The following SLC6A3 variants were observed in gnomAD, a reference collection of about 807,000 sequenced individuals.
The protein encoded by SLC6A3 is solute carrier family 6 member 3, also known as sodium-dependent dopamine transporter.
SLC6A3 carries 19 observed loss-of-function variants against 70.4 expected under a neutral mutation model. That is an observed-to-expected ratio of 0.27 (90% CI 0.19 to 0.40). The LOEUF is 0.40. Among genes scored for constraint, SLC6A3 ranks in the 10% least tolerant of loss-of-function variants. SLC6A3 has a pLI of 1.00. For missense variants in SLC6A3, 613 were observed against 838.5 expected, an observed-to-expected ratio of 0.73 and a Z score of 3.32; for synonymous variants, 368 against 356.6, an observed-to-expected ratio of 1.03 and a Z score of -0.36.
In SLC6A3 at chr5:1,442,287, C is replaced by A. The variant is rs1238414560; in HGVS notation, c.286+625G>T. 6.6e-6 allele frequency among the ~76,000 whole-genome samples: 1 copy of A among 152,154 alleles called. No individual in the cohort carries two copies. The highest frequency in any genetic ancestry group is 2.4e-5 in the African/African-American group (1 of 41,448). On this transcript the variant is annotated intron_variant, in intron 2 of 14. Transcript: ENST00000270349. This position sits in a 1 kb window ranked among gnomAD's most constrained non-coding sequence, Gnocchi z 5.0. ...TCCTCGCAGGCATCCTGTGAGGCTT[C>A]CCCCCAGATTCTTCCCCAGGCCTCC...
At chr5:1,400,878 TC>T (rs1560905206) in intron 14 of SLC6A3, 36 bp downstream of exon 14, 2 of 1,481,826 alleles carry the variant, frequency 1.3e-6, no homozygotes, top group East Asian at 2.4e-5. Context: ...CATTCTGAAT[TC>T]CCCCGAGAGA....
intron 12 of SLC6A3, among the ~76,000 whole-genome samples, chr5:1,403,303 C>T (rs1469520373): frequency 6.7e-6 from 1 of 150,024 alleles, no homozygotes; most frequent in Non-Finnish European, 1.5e-5. Context: ...CTATCCTGTT[C>T]TCTCCCCTCC....
rs184413287 is a variant in SLC6A3, at chr5:1,413,721, C to T, written c.1156+970G>A. ...TCCACATCCATGTGGCAGAGCAGGC[C>T]GGGAGGCAGGCGGGGGCTCTGCTGG... On this transcript the variant is annotated intron_variant, in intron 8 of 14. Transcript: ENST00000270349. The surrounding 1 kb of genome is among the most constrained non-coding windows in gnomAD (Gnocchi z 7.1). Among the ~76,000 whole-genome samples the T allele has an allele frequency of 1.1e-4, 16 of 152,276 alleles. No individual in the cohort carries two copies. The highest frequency in any genetic ancestry group is 9.6e-4 in the East Asian group (5 of 5,186).
intron 10 of SLC6A3, 116 bp downstream of exon 10, chr5:1,409,605 G>A (rs562976050): frequency 2.4e-6 from 3 of 1,264,348 alleles, no homozygotes; most frequent in South Asian, 1.2e-5. Flanking sequence ...GGGTGGGTTC[G>A]CAGCTCCCTG....
At chr5:1,443,850 G>GT (rs369517884) in intron 1 of SLC6A3, among the ~76,000 whole-genome samples, 249 of 149,314 alleles carry the variant, frequency 1.7e-3, no homozygotes, top group African/African-American at 5.3e-3. Context: ...TTTTGTGTGT[G>GT]TTTTTTTGTT....
intron 6 of SLC6A3, among the ~76,000 whole-genome samples, chr5:1,418,938 A>T (rs1206400525): frequency 9.3e-6 from 1 of 107,084 alleles, no homozygotes; most frequent in African/African-American, 3.8e-5. Flanking sequence ...TCCATTCATC[A>T]TCCATCCATC....
At position 1,421,333 on chromosome 5, in the gene SLC6A3, G is replaced by A. The variant is rs1051817522; in HGVS notation, c.792+543C>T. 1.3e-5 allele frequency among the ~76,000 whole-genome samples: 2 copies of A among 151,996 alleles called. No homozygotes were observed. Among genetic ancestry groups the A allele is most frequent in the Non-Finnish European group, 2.9e-5 (2 of 67,980 alleles). ...GCTGGGATTATAGGCACGTGCCACC[G>A]TGCCTGGCTAATTTCGTATTTTTAG... On this transcript the variant is annotated intron_variant, in intron 5 of 14. Coordinates refer to ENST00000270349, the MANE Select transcript of SLC6A3 (RefSeq NM_001044.5). The surrounding 1 kb of genome is among the most constrained non-coding windows in gnomAD (Gnocchi z 7.2).
chr5:1,399,895 C>T (rs535590369), intron 14 of SLC6A3, among the ~76,000 whole-genome samples: 55 of 152,248 alleles, frequency 3.6e-4, no homozygotes, highest in African/African-American at 1.2e-3. Flanking sequence ...CTCCCAGGCA[C>T]GCAGAGCCCC....
In SLC6A3 at chr5:1,443,064, G is replaced by C; in HGVS notation, c.134C>G (p.Ser45Cys). The stretch of plus-strand genomic sequence containing the variant: ...GCTCTGCCGCGGGTTGGTGAGGGTG[G>C]AGCTGGTGAGCTGCACTCCGTTCTG... ...KEQNGVQLTS[S>C]TLTNPRQSPV... Residue 45 changes from serine (S) to cysteine (C), a missense_variant, in exon 2 of 15, where the codon TCC (serine) becomes TGC (cysteine). By Grantham distance (112) the Ser-to-Cys change is moderately radical (BLOSUM62 -1). Coordinates refer to ENST00000270349, the MANE Select transcript of SLC6A3 (RefSeq NM_001044.5). 6.2e-7 allele frequency: 1 copy of C among 1,614,226 alleles called. No individual in the cohort carries two copies. The highest frequency in any genetic ancestry group is 8.5e-7 in the Non-Finnish European group (1 of 1,180,032).
intron 3 of SLC6A3, among the ~76,000 whole-genome samples, chr5:1,433,938 T>A (rs148882165): frequency 5.7e-4 from 87 of 151,862 alleles, no homozygotes; most frequent in African/African-American, 2.1e-3. Flanking sequence ...TCCACAGCCA[T>A]CTACAGACAT....
chr5:1,406,105 T>TGCGG lies in SLC6A3; in HGVS notation c.1599+79_1599+82dup, dbSNP rs1755972511. On this transcript the variant is annotated intron_variant, in intron 12 of 14. Coordinates refer to ENST00000270349, the MANE Select transcript of SLC6A3 (RefSeq NM_001044.5). This position sits in a 1 kb window ranked among gnomAD's most constrained non-coding sequence, Gnocchi z 8.8. ...ACTCCAGCCACAGTGACAACCCACA[T>TGCGG]GCGGGCGCTGGACCTCGGGGCAGGT... is the stretch of plus-strand genomic sequence containing the variant. 13 of 971,154 alleles carry TGCGG rather than the reference T, an allele frequency of 1.3e-5. No individual in the cohort carries two copies. Among genetic ancestry groups the TGCGG allele is most frequent in the South Asian group, 1.3e-4 (10 of 78,010 alleles). The allele number at this position is 971,154 out of a possible 1,614,324, so 60.2% of individuals were successfully genotyped here. A position where few individuals can be genotyped will look rare whatever the true frequency, so the allele number is the denominator to read the frequency against.
chr5:1,417,089 G>A (rs973253482), intron 6 of SLC6A3, among the ~76,000 whole-genome samples: 1 of 151,076 alleles, frequency 6.6e-6, no homozygotes, highest in Admixed American at 6.6e-5. Context: ...CCCCCTGAGT[G>A]TGTCCCCCCA....
At position 1,404,376 on chromosome 5, in the gene SLC6A3, C is replaced by T. The variant is rs1454890649; in HGVS notation, c.1600-1287G>A. Among the ~76,000 whole-genome samples, 1 of 152,236 alleles carries T rather than the reference C, an allele frequency of 6.6e-6. No individual in the cohort carries two copies. The highest frequency in any genetic ancestry group is 6.5e-5 in the Admixed American group (1 of 15,292). Reference sequence around the variant, plus strand: ...AGCATGCTTTAAAGAGCCACGCGTGCATCCCTGGACATGTCGGGCTTGCCT... The same window carrying T: ...AGCATGCTTTAAAGAGCCACGCGTGTATCCCTGGACATGTCGGGCTTGCCT... On this transcript the variant is annotated intron_variant, in intron 12 of 14. Transcript: ENST00000270349. The surrounding 1 kb of genome is among the most constrained non-coding windows in gnomAD (Gnocchi z 5.2).
chr5:1,400,883 CG>C (rs1352087484), intron 14 of SLC6A3, 31 bp downstream of exon 14: 2 of 1,518,200 alleles, frequency 1.3e-6, no homozygotes, highest in African/African-American at 2.7e-5. Context: ...TGAATTCCCC[CG>C]AGAGAGGCCC....
chr5:1,404,880 T>A lies in SLC6A3; in HGVS notation c.1599+1308A>T, dbSNP rs1755933778. Among the ~76,000 whole-genome samples the A allele has an allele frequency of 6.6e-6, 1 of 152,236 alleles. No individual in the cohort carries two copies. The highest frequency in any genetic ancestry group is 2.4e-5 in the African/African-American group (1 of 41,464). ...GTTCGAAGATTTAGTCTAAGATCAG[T>A]AGAACATTTTATCTCCTAAGATCGA... On this transcript the variant is annotated intron_variant, in intron 12 of 14. Coordinates refer to ENST00000270349, the MANE Select transcript of SLC6A3 (RefSeq NM_001044.5). The surrounding 1 kb of genome is among the most constrained non-coding windows in gnomAD (Gnocchi z 5.2).
chr5:1,416,094 T>C lies in SLC6A3; in HGVS notation c.1031+4A>G, dbSNP rs1299419882. On this transcript the variant is annotated splice_donor_region_variant and intron_variant, in intron 7 of 14. Transcript: ENST00000270349. The stretch of plus-strand genomic sequence containing the variant: ...GCCCCTGCCTGGCCCTGCTAGGGGC[T>C]CACCTGTAGCAGTTGTTGGTGAACT... The C allele has an allele frequency of 6.2e-7, 1 of 1,610,432 alleles. No individual in the cohort carries two copies.
chr5:1,437,282 G>C lies in SLC6A3; in HGVS notation c.418+4077C>G, dbSNP rs111559716. Among the ~76,000 whole-genome samples the C allele has an allele frequency of 5.0e-3, 753 of 151,428 alleles. 3 individuals carry two copies. The highest frequency in any genetic ancestry group is 5.5e-3 in the Non-Finnish European group (371 of 67,820). Reference sequence around the variant, plus strand: ...AAAAAAAAAAGAAAAGAAAAGAAAAGAAAGAGGGGAGAGGACGCCTCTCTG... The same window carrying C: ...AAAAAAAAAAGAAAAGAAAAGAAAACAAAGAGGGGAGAGGACGCCTCTCTG... On this transcript the variant is annotated intron_variant, in intron 3 of 14. Transcript: ENST00000270349. This position sits in a 1 kb window ranked among gnomAD's most constrained non-coding sequence, Gnocchi z 4.8.
chr5:1,418,269 G>C (rs903874994), intron 6 of SLC6A3, among the ~76,000 whole-genome samples: 1 of 152,072 alleles, frequency 6.6e-6, no homozygotes, highest in African/African-American at 2.4e-5. Context: ...ACCAGAGCCA[G>C]TGCCCATGGC....
chr5:1,438,118 A>T lies in SLC6A3; in HGVS notation c.418+3241T>A, dbSNP rs1402637904. Among the ~76,000 whole-genome samples, 1 of 152,200 alleles carries T rather than the reference A, an allele frequency of 6.6e-6. No homozygotes were observed. Among genetic ancestry groups the T allele is most frequent in the African/African-American group, 2.4e-5 (1 of 41,446 alleles). On this transcript the variant is annotated intron_variant, in intron 3 of 14. Coordinates refer to ENST00000270349, the MANE Select transcript of SLC6A3 (RefSeq NM_001044.5). This position sits in a 1 kb window ranked among gnomAD's most constrained non-coding sequence, Gnocchi z 6.5. ...AACAACTCAAGGTGTCTCGTCTCTA[A>T]AAAGAAGTCCAGCTTTCTTGCACTG... is the stretch of plus-strand genomic sequence containing the variant.
Sources: gnomAD v4.1 joint callset for allele counts (sites outside exome capture counted in the v4.1 genomes callset) on GRCh38, gnomAD v4.1.1 for gene constraint, Gnocchi (gnomAD v3.1) non-coding constraint, MANE v1.5 for transcripts, NCBI Gene and HGNC (gene_info 2026-07-23, HGNC 2026-07-21) for gene names.